NRG1: variants seen among roughly 807,000 people sequenced by gnomAD.
The protein encoded by NRG1 is pro-neuregulin-1, membrane-bound isoform.
In NRG1, 18 loss-of-function variants were observed where a neutral mutation model predicts 63.8. The observed-to-expected ratio is 0.28, with a 90% confidence interval of 0.19 to 0.42. The LOEUF (loss-of-function observed/expected upper bound fraction) is 0.42. Among genes scored for constraint, NRG1 ranks in the 10% least tolerant of loss-of-function variants. The pLI is 1.00. For synonymous variants in NRG1, 302 were observed against 301.3 expected, an observed-to-expected ratio of 1.00 and a Z score of -0.02; for missense variants, 762 against 814.7, an observed-to-expected ratio of 0.94 and a Z score of 0.79.
chr8:32,148,611 A>G (rs1465645339), intron 1 of NRG1, among the ~76,000 whole-genome samples: 2 of 152,204 alleles, frequency 1.3e-5, no homozygotes, highest in African/African-American at 4.8e-5. Flanking sequence ...TCAGGCACTG[A>G]TGAATGATTT....
At chr8:32,428,619 G>T (rs1253075819) in intron 1 of NRG1, among the ~76,000 whole-genome samples, 1 of 152,180 alleles carries the variant, frequency 6.6e-6, no homozygotes. Context: ...GTTAGCTGCT[G>T]GTTGTCCTCC....
At chr8:31,935,523 G>A (rs1158053293) in intron 1 of NRG1, among the ~76,000 whole-genome samples, 1 of 152,152 alleles carries the variant, frequency 6.6e-6, no homozygotes, top group Admixed American at 6.5e-5. Flanking sequence ...CTCCCAAAAG[G>A]TTGGGATTAC....
chr8:32,659,880 C>T lies in NRG1; in HGVS notation c.502+42995C>T, dbSNP rs145882755. ...CCTCTCCCAAATTCTACTTAGGCCT[C>T]AAGACTCACCTCTCCAAATTAGATG... On this transcript the variant is annotated intron_variant, in intron 5 of 11. Transcript: ENST00000356819. 1.3e-3 allele frequency among the ~76,000 whole-genome samples: 203 copies of T among 152,284 alleles called. 1 individual carries two copies. Among genetic ancestry groups the T allele is most frequent in the South Asian group, 2.3e-3 (11 of 4,828 alleles).
At chr8:32,403,233 A>G (rs1436213884) in intron 1 of NRG1, among the ~76,000 whole-genome samples, 1 of 151,000 alleles carries the variant, frequency 6.6e-6, no homozygotes, top group East Asian at 2.0e-4. Context: ...GGAAGGCAGA[A>G]AAGTTGCAGT....
chr8:32,730,163 T>C (rs1014248257), intron 6 of NRG1, among the ~76,000 whole-genome samples: 1 of 152,060 alleles, frequency 6.6e-6, no homozygotes, highest in African/African-American at 2.4e-5. Context: ...CAAGATGAAA[T>C]ACGAGTATGA....
chr8:31,804,153 G>A (rs768652984), intron 1 of NRG1, among the ~76,000 whole-genome samples: 3 of 151,878 alleles, frequency 2.0e-5, no homozygotes, highest in Non-Finnish European at 4.4e-5. Flanking sequence ...ACAATATCTC[G>A]AGTAACCACC....
intron 1 of NRG1, among the ~76,000 whole-genome samples, chr8:32,574,341 T>G (rs2919373): frequency 6.6e-6 from 1 of 151,886 alleles, no homozygotes; most frequent in East Asian, 1.9e-4. Flanking sequence ...TTCAAAAGGC[T>G]TTTAATAAAC....
chr8:31,865,443 G>A (rs950336797), intron 1 of NRG1, among the ~76,000 whole-genome samples: 3 of 152,070 alleles, frequency 2.0e-5, no homozygotes, highest in African/African-American at 7.2e-5. Flanking sequence ...CATATGATAT[G>A]GTTTTGCTGT....
intron 5 of NRG1, among the ~76,000 whole-genome samples, chr8:32,679,046 C>T (rs1291380157): frequency 6.6e-6 from 1 of 151,838 alleles, no homozygotes; most frequent in Non-Finnish European, 1.5e-5. Context: ...TCCAGCTACT[C>T]ACTAGGAGGC....
intron 1 of NRG1, among the ~76,000 whole-genome samples, chr8:32,539,309 T>TG (rs1338941850): frequency 1.3e-5 from 2 of 152,076 alleles, no homozygotes; most frequent in African/African-American, 4.8e-5. Context: ...CTGGGATGGC[T>TG]GGGGGTGTGA....
chr8:31,894,463 T>A (rs1430369410), intron 1 of NRG1, among the ~76,000 whole-genome samples: 7 of 152,176 alleles, frequency 4.6e-5, no homozygotes. Context: ...CATATGAATG[T>A]ATGTTAAAAG....
chr8:32,234,159 G>A (rs543726641), intron 1 of NRG1, among the ~76,000 whole-genome samples: 1 of 152,260 alleles, frequency 6.6e-6, no homozygotes, highest in East Asian at 1.9e-4. Context: ...AAAACTTATG[G>A]AAAGATTGAA....
chr8:32,097,376 G>T (rs549706807), intron 1 of NRG1, among the ~76,000 whole-genome samples: 1 of 152,110 alleles, frequency 6.6e-6, no homozygotes, highest in Non-Finnish European at 1.5e-5. Flanking sequence ...GAGATTGCTG[G>T]ATCATATGGT....
intron 1 of NRG1, among the ~76,000 whole-genome samples, chr8:32,057,854 G>A (rs369812548): frequency 3.1e-4 from 47 of 152,236 alleles, no homozygotes; most frequent in African/African-American, 1.0e-3. Flanking sequence ...TTTAATGAAT[G>A]ACACCTTACC....
At chr8:32,186,733 C>T (rs567857935) in intron 1 of NRG1, among the ~76,000 whole-genome samples, 16 of 152,270 alleles carry the variant, frequency 1.1e-4, no homozygotes, top group Non-Finnish European at 1.8e-4. Flanking sequence ...TTCAGAGGTA[C>T]AGTAAAGTTT....
intron 1 of NRG1, among the ~76,000 whole-genome samples, chr8:32,390,646 T>A (rs1027819478): frequency 2.7e-5 from 4 of 149,544 alleles, no homozygotes; most frequent in South Asian, 2.1e-4. Flanking sequence ...AGAAAAACTT[T>A]CCCTGATATA....
intron 1 of NRG1, among the ~76,000 whole-genome samples, chr8:31,747,492 CTCA>C (rs1247996433): frequency 1.3e-5 from 2 of 151,976 alleles, no homozygotes; most frequent in Non-Finnish European, 2.9e-5. Context: ...AGAGTGTCTC[CTCA>C]TCATCATCCA....
At chr8:32,092,461 C>CAAAAAAAAAAAAAAAAA (rs71208167) in intron 1 of NRG1, among the ~76,000 whole-genome samples, 3 of 83,662 alleles carry the variant, frequency 3.6e-5, no homozygotes, top group African/African-American at 4.9e-5. Flanking sequence ...GACCCTGTCT[C>CAAAAAAAAAAAAAAAAA]AAAAAAAAAA....
In NRG1 at chr8:32,570,650, A is replaced by G. The variant is rs549670492; in HGVS notation, c.100+21824A>G. 3.0e-4 allele frequency among the ~76,000 whole-genome samples: 46 copies of G among 152,242 alleles called. No individual in the cohort carries two copies. The South Asian group carries it at 6.2e-3, about 21-fold the overall frequency. On this transcript the variant is annotated intron_variant, in intron 1 of 11. Coordinates refer to ENST00000356819, the Ensembl canonical transcript of NRG1. ...TCAGAATATTTTCAAATGTATGTAA[A>G]TACATACATTCAGTGTATTTCCCAG...
Sources: allele counts gnomAD v4.1 joint callset (sites outside exome capture counted in the v4.1 genomes callset), GRCh38; gene constraint gnomAD v4.1.1; transcripts MANE v1.5; gene names NCBI Gene and HGNC (gene_info 2026-07-23, HGNC 2026-07-21).